CLNK: variants seen among roughly 807,000 people sequenced by gnomAD.
CLNK encodes cytokine dependent hematopoietic cell linker.
A neutral mutation model predicts 68.6 loss-of-function variants in CLNK; 74 were observed. That is an observed-to-expected ratio of 1.08 (90% CI 0.89 to 1.31). The LOEUF (loss-of-function observed/expected upper bound fraction) is 1.31, where lower values mean the gene tolerates loss of function less well. CLNK is among the 50% of genes most tolerant of loss of function. The probability of loss-of-function intolerance (pLI) is 0.00; values close to 1 mark genes in which losing one functional copy is unlikely to be tolerated. For synonymous variants in CLNK, 198 were observed against 172.2 expected, an observed-to-expected ratio of 1.15 and a Z score of -1.17; for missense variants, 553 against 515.3, an observed-to-expected ratio of 1.07 and a Z score of -0.71.
intron 13 of CLNK, 30 bp from the exon 14 acceptor site, chr4:10,525,952 G>T: frequency 7.4e-7 from 1 of 1,354,772 alleles, no homozygotes; most frequent in African/African-American, 1.5e-5. Flanking sequence ...AATTTGGTCA[G>T]GTTGCAAAAG....
rs144463044 is a variant in CLNK at position 10,635,005 on chromosome 4, C to T, written c.11+32854G>A. ...GTAGGGCTTTTCCCATTATAACAGC[C>T]CTTTGGCTATTTCCCCTTTCAAAAG... On this transcript the variant is annotated intron_variant, in intron 2 of 18. Transcript: ENST00000226951. 3.3e-5 allele frequency among the ~76,000 whole-genome samples: 5 copies of T among 152,202 alleles called. No homozygotes were observed. In the East Asian group the frequency reaches 7.7e-4, roughly 23 times the overall value.
intron 15 of CLNK, among the ~76,000 whole-genome samples, chr4:10,516,705 A>T (rs764141491): frequency 2.0e-5 from 3 of 152,174 alleles, no homozygotes; most frequent in Non-Finnish European, 2.9e-5. Context: ...GGCGCCCGCC[A>T]CCATGCCCAG....
At chr4:10,498,815 T>C (rs993944842) in intron 18 of CLNK, among the ~76,000 whole-genome samples, 2 of 152,208 alleles carry the variant, frequency 1.3e-5, no homozygotes, top group African/African-American at 4.8e-5. Context: ...CTTAATGTGG[T>C]TGTACCTGGT....
rs1724473272 is a variant in CLNK, at chr4:10,667,910, G to A, written c.-41C>T. On this transcript the variant is annotated splice_region_variant and 5_prime_UTR_variant, in exon 2 of 19. Coordinates refer to ENST00000226951, the MANE Select transcript of CLNK (RefSeq NM_052964.4). Reference sequence around the variant, plus strand: ...GCGGGTAAGAGGGATCTTCAATTCAGCCTGTGGAAACAAAAGCAAACGCGT... The same window carrying A: ...GCGGGTAAGAGGGATCTTCAATTCAACCTGTGGAAACAAAAGCAAACGCGT... 1.5e-6 allele frequency: 2 copies of A among 1,368,374 alleles called. No individual in the cohort carries two copies. The highest frequency in any genetic ancestry group is 1.9e-6 in the Non-Finnish European group (2 of 1,044,372). The allele number at this position is 1,368,374 out of a possible 1,614,324, so 84.8% of individuals were successfully genotyped here. A position where few individuals can be genotyped will look rare whatever the true frequency, so the allele number is the denominator to read the frequency against.
intron 17 of CLNK, among the ~76,000 whole-genome samples, chr4:10,504,116 C>CTTTTTT (rs10660433): frequency 2.7e-4 from 18 of 67,322 alleles, no homozygotes; most frequent in African/African-American, 3.2e-4. Context: ...TCTTTGGGTT[C>CTTTTTT]TTTTTTTTTT....
the CLNK span, among the ~76,000 whole-genome samples, chr4:10,694,015 G>C: frequency 6.6e-6 from 1 of 152,144 alleles, no homozygotes; most frequent in East Asian, 1.9e-4. Flanking sequence ...TCAACAAAAA[G>C]ACTGTCGTAT....
At chr4:10,566,799 C>A (rs1720133007) in intron 5 of CLNK, among the ~76,000 whole-genome samples, 1 of 151,990 alleles carries the variant, frequency 6.6e-6, no homozygotes, top group African/African-American at 2.4e-5. Context: ...GCCTGGGCAA[C>A]AGAGTGAGAC....
the CLNK span, among the ~76,000 whole-genome samples, chr4:10,699,178 TTCTC>T: frequency 2.3e-5 from 2 of 86,458 alleles, no homozygotes; most frequent in Admixed American, 1.5e-4. Flanking sequence ...TTACGTTTCT[TTCTC>T]TCTCTCTCTG....
At chr4:10,672,376 G>C (rs1367042144) in intron 1 of CLNK, among the ~76,000 whole-genome samples, 4 of 152,118 alleles carry the variant, frequency 2.6e-5, no homozygotes, top group Non-Finnish European at 5.9e-5. Flanking sequence ...TAACCATTCT[G>C]AGCCTCCGTG....
intron 2 of CLNK, among the ~76,000 whole-genome samples, chr4:10,667,606 C>T (rs1192232488): frequency 7.9e-5 from 12 of 152,016 alleles, no homozygotes; most frequent in South Asian, 2.1e-4. Context: ...TCATGGTGCT[C>T]GGATATCTTG....
Position 10,583,709 on chromosome 4 carries a change from G to C in CLNK, c.112+1218C>G, listed in dbSNP as rs574202672. Among the ~76,000 whole-genome samples, 360 of 152,300 alleles carry C rather than the reference G, an allele frequency of 2.4e-3. 4 individuals carry two copies. The highest frequency in any genetic ancestry group is 8.4e-3 in the African/African-American group (347 of 41,556). ...GACTTTATATCAATGGACTTTTGTG[G>C]GGTTTCGATTTGTTTTCTTTTTCCT... On this transcript the variant is annotated intron_variant, in intron 4 of 18. Coordinates refer to ENST00000226951, the MANE Select transcript of CLNK (RefSeq NM_052964.4).
At chr4:10,651,739 G>C (rs1723745724) in intron 2 of CLNK, among the ~76,000 whole-genome samples, 3 of 152,082 alleles carry the variant, frequency 2.0e-5, no homozygotes, top group South Asian at 4.1e-4. Context: ...TAAAATTCAT[G>C]ACAGCAGTAG....
chr4:10,730,788 A>G, the CLNK span, among the ~76,000 whole-genome samples: 3 of 152,158 alleles, frequency 2.0e-5, no homozygotes, highest in Non-Finnish European at 4.4e-5. Context: ...ACGTTTAACC[A>G]TTTCAGTGTA....
intron 2 of CLNK, among the ~76,000 whole-genome samples, chr4:10,604,439 G>A (rs1247682482): frequency 6.6e-6 from 1 of 152,160 alleles, no homozygotes; most frequent in Non-Finnish European, 1.5e-5. Context: ...CTAAGCCGAG[G>A]AGATTTTTAG....
chr4:10,489,249 A>G lies in CLNK; in HGVS notation c.*1218T>C, dbSNP rs1276105434. 2 of 152,234 alleles carry G rather than the reference A, an allele frequency of 1.3e-5. No individual in the cohort carries two copies. The highest frequency in any genetic ancestry group is 2.9e-5 in the Non-Finnish European group (2 of 68,042). 9.4% of individuals were successfully genotyped at this position (152,234 alleles called of 1,614,324 possible). A position where few individuals can be genotyped will look rare whatever the true frequency, so the allele number is the denominator to read the frequency against. On this transcript the variant is annotated 3_prime_UTR_variant, in exon 19 of 19. Coordinates refer to ENST00000226951, the MANE Select transcript of CLNK (RefSeq NM_052964.4). ...GTTTCCTCATCTTTATTGTAAAACA[A>G]TAATAAAATTAAATCCTCTTAACCT... is the stretch of plus-strand genomic sequence containing the variant.
intron 2 of CLNK, among the ~76,000 whole-genome samples, chr4:10,607,177 G>A (rs2108851335): frequency 6.6e-6 from 1 of 152,338 alleles, no homozygotes; most frequent in African/African-American, 2.4e-5. Context: ...CATCCATAGA[G>A]TTTCTGTGCT....
intron 2 of CLNK, among the ~76,000 whole-genome samples, chr4:10,615,990 G>A (rs867773905): frequency 6.6e-6 from 1 of 152,132 alleles, no homozygotes; most frequent in Non-Finnish European, 1.5e-5. Flanking sequence ...AAAGTTTCAG[G>A]AATTTTGCAC....
intron 15 of CLNK, among the ~76,000 whole-genome samples, chr4:10,515,128 C>T (rs1717774934): frequency 6.6e-6 from 1 of 152,088 alleles, no homozygotes; most frequent in Non-Finnish European, 1.5e-5. Flanking sequence ...ATCCCAGCTA[C>T]TAGGGAGGCT....
intron 18 of CLNK, among the ~76,000 whole-genome samples, chr4:10,492,326 C>G (rs1356700693): frequency 6.6e-6 from 1 of 152,098 alleles, no homozygotes; most frequent in Non-Finnish European, 1.5e-5. Flanking sequence ...AGAAAGGGAG[C>G]CGTGTGGGGG....
Sources: gnomAD v4.1 joint callset for allele counts (sites outside exome capture counted in the v4.1 genomes callset) on GRCh38, gnomAD v4.1.1 for gene constraint, MANE v1.5 for transcripts, NCBI Gene and HGNC (gene_info 2026-07-23, HGNC 2026-07-21) for gene names.